Variants in PSMG4 observed in about 807,000 individuals in gnomAD.
PSMG4 encodes the protein proteasome (prosome, macropain) assembly chaperone 4.
A neutral mutation model predicts 11.0 loss-of-function variants in PSMG4; 10 were observed. The ratio of observed to expected loss-of-function variants is 0.91; its 90% confidence interval spans 0.56 to 1.54. PSMG4 has a LOEUF of 1.54. Among genes scored for constraint, PSMG4 ranks in the 40% most tolerant of loss-of-function variants. The pLI is 0.00. For missense variants in PSMG4, 198 were observed against 160.9 expected (o/e 1.23, Z -1.25); for synonymous variants, 95 against 71.3 (o/e 1.33, Z -1.68).
upstream of PSMG4, among the ~76,000 whole-genome samples, chr6:3,257,787 TGTG>T (rs558120617): frequency 3.0e-4 from 46 of 152,308 alleles, no homozygotes; most frequent in African/African-American, 7.7e-4. Context: ...CTTTGTGGAT[TGTG>T]ATGATGATTT....
At chr6:3,262,329 AC>A (rs1444939655) in intron 1 of PSMG4, among the ~76,000 whole-genome samples, 3 of 152,190 alleles carry the variant, frequency 2.0e-5, no homozygotes, top group African/African-American at 7.2e-5. Flanking sequence ...GAAAAAGGCC[AC>A]CCTGGGTAAG....
intron 1 of PSMG4, among the ~76,000 whole-genome samples, 183 bp from the exon 2 acceptor site, chr6:3,263,501 C>T (rs372757428): frequency 1.3e-4 from 20 of 152,290 alleles, no homozygotes; most frequent in East Asian, 7.7e-4. Flanking sequence ...ACCTCATATG[C>T]GACATGGGGT....
chr6:3,254,489 G>C (rs1054141259), upstream of PSMG4, among the ~76,000 whole-genome samples: 2 of 152,014 alleles, frequency 1.3e-5, no homozygotes, highest in Admixed American at 6.6e-5. Flanking sequence ...ATTGTTGCTG[G>C]TGGTTTTTTG....
At chr6:3,255,008 G>C, upstream of PSMG4, 1 of 1,541,888 alleles carries the variant, frequency 6.5e-7, no homozygotes, top group Non-Finnish European at 8.8e-7. Context: ...GCACTCCCAT[G>C]TGGGAGCGCT....
chr6:3,255,371 G>A (rs1757725755), upstream of PSMG4: 1 of 1,424,042 alleles, frequency 7.0e-7, no homozygotes, highest in Admixed American at 2.7e-5. Flanking sequence ...TCCTGTGGTG[G>A]ATGATGTTTG....
At chr6:3,256,839 G>A (rs1757782756), upstream of PSMG4, among the ~76,000 whole-genome samples, 1 of 152,170 alleles carries the variant, frequency 6.6e-6, no homozygotes. Flanking sequence ...AGGGTGTGCA[G>A]ACTCTAGAGG....
chr6:3,255,459 T>C (rs936118343), upstream of PSMG4, among the ~76,000 whole-genome samples: 4 of 32,442 alleles, frequency 1.2e-4, no homozygotes, highest in East Asian at 3.7e-3. Flanking sequence ...CACCACCTCT[T>C]TTATCTTCCC....
At chr6:3,264,591 T>G in intron 2 of PSMG4, 1 of 434,052 alleles carries the variant, frequency 2.3e-6, no homozygotes, top group Non-Finnish European at 3.9e-6. Flanking sequence ...AGCAGGCCCA[T>G]GACAGTATGT....
intron 1 of PSMG4, among the ~76,000 whole-genome samples, chr6:3,262,782 A>T (rs1262869612): frequency 1.3e-5 from 1 of 75,506 alleles, no homozygotes; most frequent in Non-Finnish European, 2.9e-5. Context: ...TGGCCATATT[A>T]CCAATAAGTG....
intron 2 of PSMG4, chr6:3,266,204 C>A (rs4998909): frequency 0.83 from 126,097 of 151,812 alleles, 52,638 homozygotes; most frequent in Non-Finnish European, 0.87. Context: ...CACGGTGGGG[C>A]CTGGGCCTGC....
At chr6:3,255,072 G>T (rs751688695), upstream of PSMG4, 23 of 1,550,846 alleles carry the variant, frequency 1.5e-5, no homozygotes, top group Non-Finnish European at 1.9e-5. Flanking sequence ...CTTGGAATAT[G>T]CTTCTATTCC....
upstream of PSMG4, chr6:3,255,142 T>C (rs1757713383): frequency 1.9e-6 from 3 of 1,550,908 alleles, no homozygotes; most frequent in African/African-American, 2.7e-5. Context: ...GGTCATTCTC[T>C]TTGAGGAGCA....
At chr6:3,260,705 C>T (rs1412233212) in intron 1 of PSMG4, among the ~76,000 whole-genome samples, 1 of 152,140 alleles carries the variant, frequency 6.6e-6, no homozygotes, top group Non-Finnish European at 1.5e-5. Flanking sequence ...TCATAGGTAC[C>T]CAGAGGTTAG....
At chr6:3,255,437 C>T (rs1561837201), upstream of PSMG4, among the ~76,000 whole-genome samples, 2 of 129,276 alleles carry the variant, frequency 1.5e-5, no homozygotes, top group African/African-American at 4.9e-5. Flanking sequence ...AGCCACATGC[C>T]CCTTCTCAGA....
upstream of PSMG4, chr6:3,255,088 A>G (rs1757709578): frequency 1.3e-6 from 2 of 1,550,896 alleles, no homozygotes. Flanking sequence ...ATTCCTAAGA[A>G]GTTGGCTGCA....
intron 1 of PSMG4, among the ~76,000 whole-genome samples, chr6:3,260,275 T>TTATATATATATA (rs1261021278): frequency 1.4e-5 from 1 of 69,102 alleles, no homozygotes; most frequent in African/African-American, 6.2e-5. Flanking sequence ...TTGTCTTAAA[T>TTATATATATATA]TGTATATATA....
At chr6:3,255,124 C>G, upstream of PSMG4, 1 of 1,551,070 alleles carries the variant, frequency 6.4e-7, no homozygotes, top group Non-Finnish European at 8.7e-7. Flanking sequence ...ACCAGCTTAC[C>G]ACGTATTGGT....
intron 1 of PSMG4, among the ~76,000 whole-genome samples, chr6:3,260,291 A>ATATATTTTTTTTTTTTT: frequency 1.4e-5 from 1 of 70,842 alleles, no homozygotes; most frequent in African/African-American, 5.5e-5. Flanking sequence ...ATATATATAT[A>ATATATTTTTTTTTTTTT]TTTTTTTTTT....
At chr6:3,262,359 A>G (rs191208082) in intron 1 of PSMG4, among the ~76,000 whole-genome samples, 1 of 152,332 alleles carries the variant, frequency 6.6e-6, no homozygotes, top group Admixed American at 6.5e-5. Context: ...TCTTTTTTCT[A>G]GAAGGTTTAA....
Sources: allele counts gnomAD v4.1 joint callset (sites outside exome capture counted in the v4.1 genomes callset), GRCh38; gene constraint gnomAD v4.1.1; transcripts MANE v1.5; gene names NCBI Gene and HGNC (gene_info 2026-07-23, HGNC 2026-07-21).